Variants in TEC observed in about 807,000 individuals in gnomAD.
TEC encodes the protein tyrosine-protein kinase Tec.
Under a neutral mutation model 93.0 loss-of-function variants are expected in TEC, and 72 were observed. The ratio of observed to expected loss-of-function variants is 0.77; its 90% CI spans 0.64 to 0.94. TEC has a LOEUF of 0.94. Ranked by LOEUF, TEC falls within the 40% of genes least tolerant of loss-of-function variation. The pLI, the probability that TEC is intolerant of heterozygous loss-of-function variation, is 0.00. For missense variants in TEC, 630 were observed against 757.9 expected (o/e 0.83, Z 1.98); for synonymous variants, 249 against 247.7 (o/e 1.01, Z -0.05).
At chr4:48,160,737 A>AAAAGAAAGAAAGAAAGAAAGAAAG (rs200782202) in intron 8 of TEC, among the ~76,000 whole-genome samples, 3 of 131,428 alleles carry the variant, frequency 2.3e-5, no homozygotes, top group Admixed American at 8.3e-5. Flanking sequence ...CAGAAAAAAA[A>AAAAGAAAGAAAGAAAGAAAGAAAG]AAAGAAAGAA....
chr4:48,178,037 G>A (rs1721404453), intron 2 of TEC, among the ~76,000 whole-genome samples: 1 of 152,074 alleles, frequency 6.6e-6, no homozygotes, highest in Non-Finnish European at 1.5e-5. Flanking sequence ...TGTGAGAATG[G>A]ACTAATACAA....
chr4:48,227,353 T>C (rs1437796811), intron 2 of TEC, among the ~76,000 whole-genome samples: 1 of 151,880 alleles, frequency 6.6e-6, no homozygotes, highest in Admixed American at 6.6e-5. Flanking sequence ...GAATGAAAAC[T>C]AAACCAGGGC....
chr4:48,171,609 G>A (rs1721115519), intron 3 of TEC, among the ~76,000 whole-genome samples, 160 bp from the exon 4 acceptor site: 2 of 152,068 alleles, frequency 1.3e-5, no homozygotes, highest in African/African-American at 4.8e-5. Context: ...TCTTACAAAA[G>A]CACAAGTACT....
At chr4:48,240,516 C>T (rs1463111593) in intron 1 of TEC, among the ~76,000 whole-genome samples, 3 of 152,100 alleles carry the variant, frequency 2.0e-5, no homozygotes, top group Non-Finnish European at 2.9e-5. Flanking sequence ...GTAATCTGCG[C>T]TACCTCTTCT....
At chr4:48,186,389 C>G (rs1288858550) in intron 2 of TEC, among the ~76,000 whole-genome samples, 1 of 151,210 alleles carries the variant, frequency 6.6e-6, no homozygotes, top group African/African-American at 2.4e-5. Flanking sequence ...TCTTCCCGGC[C>G]GCCATCCCGT....
chr4:48,188,035 A>AG (rs35823953), intron 2 of TEC, among the ~76,000 whole-genome samples: 17,847 of 152,096 alleles, frequency 0.12, 1,340 homozygotes, highest in East Asian at 0.35. Flanking sequence ...GTTCTAGCCA[A>AG]GGGGGGCATG....
intron 3 of TEC, among the ~76,000 whole-genome samples, chr4:48,173,011 C>T (rs1560389204): frequency 6.6e-6 from 1 of 152,030 alleles, no homozygotes; most frequent in Non-Finnish European, 1.5e-5. Flanking sequence ...TTACTGAGTC[C>T]CCACAATTGG....
At chr4:48,228,803 G>T in intron 1 of TEC, 144 bp from the exon 2 acceptor site, 1 of 574,424 alleles carries the variant, frequency 1.7e-6, no homozygotes, top group Non-Finnish European at 2.8e-6. Flanking sequence ...AGAATGCCTG[G>T]GGCACAAAAA....
chr4:48,212,244 G>A (rs529247677), intron 2 of TEC, among the ~76,000 whole-genome samples: 4 of 151,512 alleles, frequency 2.6e-5, no homozygotes, highest in Admixed American at 1.3e-4. Flanking sequence ...GGTACAGTGC[G>A]GAAAAAAACA....
In TEC at chr4:48,169,160, C is replaced by T. The variant is rs575362812; in HGVS notation, c.455-534G>A. Among the ~76,000 whole-genome samples, 4 of 152,220 alleles carry T rather than the reference C, an allele frequency of 2.6e-5. No individual in the cohort carries two copies. In the South Asian group the frequency reaches 8.3e-4, roughly 32 times the overall value. ...ATTCCCCATGGGCATCCTTGACCCCCTTCTTTCTGCTTCCAGGAAGAGAGA... is the reference window on the plus strand; with the variant it reads ...ATTCCCCATGGGCATCCTTGACCCCTTTCTTTCTGCTTCCAGGAAGAGAGA... On this transcript the variant is annotated intron_variant, in intron 5 of 17. Transcript: ENST00000381501.
At chr4:48,164,047 C>T (rs1051004384) in intron 7 of TEC, among the ~76,000 whole-genome samples, 2 of 151,972 alleles carry the variant, frequency 1.3e-5, no homozygotes, top group African/African-American at 4.8e-5. Context: ...TTTTTTTTCC[C>T]AAAGGTCCTA....
At chr4:48,147,574 C>T (rs1719969639) in intron 11 of TEC, among the ~76,000 whole-genome samples, 1 of 152,134 alleles carries the variant, frequency 6.6e-6, no homozygotes, top group South Asian at 2.1e-4. Context: ...CATATCTAGG[C>T]TATGTCTTGG....
rs773231268 is a variant in TEC, at chr4:48,137,385, G to C, written c.*31C>G. Reference sequence around the variant, plus strand: ...AAAATGCCCATCCTTCCTTGTGCTTGGGAATCTGGGAGCCACTGGTCACAC... The same window carrying C: ...AAAATGCCCATCCTTCCTTGTGCTTCGGAATCTGGGAGCCACTGGTCACAC... On this transcript the variant is annotated 3_prime_UTR_variant, in exon 18 of 18. Transcript: ENST00000381501. The C allele has an allele frequency of 2.5e-6, 4 of 1,578,068 alleles. No individual in the cohort carries two copies. Among genetic ancestry groups the C allele is most frequent in the Admixed American group, 3.4e-5 (2 of 58,766 alleles).
At chr4:48,170,204 T>C (rs1721044776) in intron 5 of TEC, 44 bp downstream of exon 5, 1 of 1,469,342 alleles carries the variant, frequency 6.8e-7, no homozygotes, top group South Asian at 1.2e-5. Flanking sequence ...AATAATACGT[T>C]CATTCTAAGC....
At chr4:48,236,801 C>T (rs17655431) in intron 1 of TEC, among the ~76,000 whole-genome samples, 17,675 of 152,166 alleles carry the variant, frequency 0.12, 1,250 homozygotes, top group East Asian at 0.24. Flanking sequence ...GTTATACTGT[C>T]TATCCAGCGT....
intron 2 of TEC, among the ~76,000 whole-genome samples, chr4:48,223,468 G>GT (rs1378764036): frequency 6.6e-6 from 1 of 152,100 alleles, no homozygotes; most frequent in Non-Finnish European, 1.5e-5. Flanking sequence ...CTTGTAAGCT[G>GT]TATGTTGTGC....
intron 2 of TEC, among the ~76,000 whole-genome samples, chr4:48,215,831 C>G (rs73138470): frequency 0.011 from 1,728 of 152,280 alleles, 37 homozygotes; most frequent in African/African-American, 0.04. Context: ...CTTTCCAGAA[C>G]TAAGGCAGTG....
intron 3 of TEC, among the ~76,000 whole-genome samples, chr4:48,175,775 T>C (rs1330873757): frequency 6.6e-6 from 1 of 152,184 alleles, no homozygotes; most frequent in Non-Finnish European, 1.5e-5. Context: ...AATTAATATA[T>C]GTCTAATATT....
chr4:48,176,004 A>G, intron 3 of TEC, 78 bp downstream of exon 3: 1 of 1,036,802 alleles, frequency 9.6e-7, no homozygotes, highest in Non-Finnish European at 1.4e-6. Context: ...CAGCAAAGCA[A>G]GGACAGGAAA....
Sources: allele counts gnomAD v4.1 joint callset (sites outside exome capture counted in the v4.1 genomes callset), GRCh38; gene constraint gnomAD v4.1.1; transcripts MANE v1.5; gene names NCBI Gene and HGNC (gene_info 2026-07-23, HGNC 2026-07-21).